CAMTA1: variants seen among roughly 807,000 people sequenced by gnomAD.
The protein encoded by CAMTA1 is calmodulin binding transcription activator 1.
A neutral mutation model predicts 170.9 loss-of-function variants in CAMTA1; 27 were observed. The ratio of observed to expected loss-of-function variants is 0.16; its 90% CI spans 0.12 to 0.22. CAMTA1 has a LOEUF of 0.22. Ranked by LOEUF, CAMTA1 falls within the 10% of genes least tolerant of loss-of-function variation. The pLI is 1.00. For synonymous variants in CAMTA1, 833 were observed against 891.5 expected, an observed-to-expected ratio of 0.93 and a Z score of 1.17; for missense variants, 1,619 against 2,217.2, an observed-to-expected ratio of 0.73 and a Z score of 5.42.
chr1:7,292,348 A>C (rs1673268156), intron 5 of CAMTA1, among the ~76,000 whole-genome samples: 1 of 152,100 alleles, frequency 6.6e-6, no homozygotes, highest in East Asian at 1.9e-4. Context: ...GGCAGAGCCA[A>C]TATTCTGTGT....
chr1:7,487,954 G>T (rs990192052), intron 6 of CAMTA1, among the ~76,000 whole-genome samples: 3 of 152,114 alleles, frequency 2.0e-5, no homozygotes, highest in Non-Finnish European at 4.4e-5. Context: ...GAGTGGTGTC[G>T]TTTGCCGCCA....
At chr1:6,792,991 C>T (rs995840884) in intron 1 of CAMTA1, among the ~76,000 whole-genome samples, 9 of 151,850 alleles carry the variant, frequency 5.9e-5, no homozygotes, top group African/African-American at 2.2e-4. Flanking sequence ...AGGTCTCACC[C>T]CAACTTCATT....
At position 6,847,218 on chromosome 1, in the gene CAMTA1, A is replaced by G. The variant is rs1190490651; in HGVS notation, c.234+22008A>G. Among the ~76,000 whole-genome samples the G allele has an allele frequency of 2.6e-5, 4 of 151,882 alleles. No individual in the cohort carries two copies. The East Asian group carries it at 7.8e-4, about 29-fold the overall frequency. ...TGGGGTTTTGCTGTGTTGGTCAGGC[A>G]TGTCTCGAACTCCTGGCCTCAAGTG... On this transcript the variant is annotated intron_variant, in intron 3 of 22. Transcript: ENST00000303635.
chr1:7,054,909 G>A (rs1329690524), intron 3 of CAMTA1, among the ~76,000 whole-genome samples: 1 of 152,168 alleles, frequency 6.6e-6, no homozygotes, highest in African/African-American at 2.4e-5. Flanking sequence ...CAGCTTCTGG[G>A]GAGGCCTCAG....
chr1:7,726,954 G>T (rs2096692209), intron 11 of CAMTA1, among the ~76,000 whole-genome samples: 1 of 152,114 alleles, frequency 6.6e-6, no homozygotes, highest in African/African-American at 2.4e-5. Context: ...TCCCGATGGA[G>T]TAGTTCAGCT....
intron 6 of CAMTA1, among the ~76,000 whole-genome samples, chr1:7,601,554 G>A (rs1324934704): frequency 6.6e-6 from 1 of 152,230 alleles, no homozygotes; most frequent in East Asian, 1.9e-4. Context: ...CCGGGCAGAG[G>A]CTGCAATCTC....
chr1:7,621,898 C>T (rs1001057318), intron 6 of CAMTA1, among the ~76,000 whole-genome samples: 27 of 152,230 alleles, frequency 1.8e-4, no homozygotes, highest in Admixed American at 7.8e-4. Flanking sequence ...TCTCGGCTCC[C>T]TGGCGCCTCT....
intron 22 of CAMTA1, among the ~76,000 whole-genome samples, chr1:7,759,465 A>G (rs967145465): frequency 2.3e-4 from 35 of 152,186 alleles, no homozygotes; most frequent in African/African-American, 7.7e-4. Context: ...CCAGTAACTT[A>G]AAGTGAAATT....
chr1:7,064,768 C>T lies in CAMTA1; in HGVS notation c.235-26536C>T, dbSNP rs780068877. On this transcript the variant is annotated intron_variant, in intron 3 of 22. Coordinates refer to ENST00000303635, the MANE Select transcript of CAMTA1 (RefSeq NM_015215.4). The surrounding 1 kb of genome is among the most constrained non-coding windows in gnomAD (Gnocchi z 5.4). Reference sequence around the variant, plus strand: ...TGGGGGAGGTGGCAGGAGTCCCATTCGGGGCATGGTGGGGGCTGTAGGAGG... The same window carrying T: ...TGGGGGAGGTGGCAGGAGTCCCATTTGGGGCATGGTGGGGGCTGTAGGAGG... 1.3e-4 allele frequency among the ~76,000 whole-genome samples: 20 copies of T among 151,390 alleles called. No homozygotes were observed. The highest frequency in any genetic ancestry group is 2.2e-4 in the African/African-American group (9 of 41,128).
At chr1:7,447,798 G>A (rs951449690) in intron 5 of CAMTA1, among the ~76,000 whole-genome samples, 1 of 152,232 alleles carries the variant, frequency 6.6e-6, no homozygotes. Flanking sequence ...CCTGTGCTGA[G>A]TGTGAGGAAC....
At chr1:7,237,479 GA>G (rs1664098522) in intron 4 of CAMTA1, among the ~76,000 whole-genome samples, 1 of 152,184 alleles carries the variant, frequency 6.6e-6, no homozygotes, top group Non-Finnish European at 1.5e-5. Flanking sequence ...GTTTGAGGGA[GA>G]GGGGCCATGA....
At chr1:7,396,432 T>C (rs1428285160) in intron 5 of CAMTA1, among the ~76,000 whole-genome samples, 1 of 152,230 alleles carries the variant, frequency 6.6e-6, no homozygotes, top group East Asian at 1.9e-4. Context: ...GCAATACAAA[T>C]AGACTAAGAC....
At chr1:7,597,794 C>T (rs943908283) in intron 6 of CAMTA1, among the ~76,000 whole-genome samples, 4 of 152,084 alleles carry the variant, frequency 2.6e-5, no homozygotes, top group African/African-American at 7.2e-5. Context: ...TCTGCTTACC[C>T]AAAGTCTAGT....
At chr1:7,598,432 A>G (rs942030074) in intron 6 of CAMTA1, among the ~76,000 whole-genome samples, 5 of 152,182 alleles carry the variant, frequency 3.3e-5, no homozygotes, top group Non-Finnish European at 5.9e-5. Flanking sequence ...ATGTTTTATA[A>G]TCCTTTGGGT....
intron 5 of CAMTA1, among the ~76,000 whole-genome samples, chr1:7,326,025 A>T (rs1363015902): frequency 6.6e-6 from 1 of 152,084 alleles, no homozygotes; most frequent in African/African-American, 2.4e-5. Flanking sequence ...TGCCTGGCTA[A>T]TTTTTGTATT....
intron 5 of CAMTA1, among the ~76,000 whole-genome samples, chr1:7,411,125 C>A (rs1324977076): frequency 1.3e-5 from 2 of 152,148 alleles, no homozygotes; most frequent in Non-Finnish European, 2.9e-5. Context: ...AAGCTATTAT[C>A]TTGCTCTGTT....
At chr1:6,985,544 C>T (rs72638589) in intron 3 of CAMTA1, among the ~76,000 whole-genome samples, 8 of 152,312 alleles carry the variant, frequency 5.3e-5, no homozygotes, top group Admixed American at 2.6e-4. Context: ...ATACTTTCAT[C>T]GGGGACCCGA....
intron 1 of CAMTA1, among the ~76,000 whole-genome samples, chr1:6,797,700 T>C (rs1642876939): frequency 6.6e-6 from 1 of 152,086 alleles, no homozygotes; most frequent in Non-Finnish European, 1.5e-5. Flanking sequence ...GATGACTTTT[T>C]AAATGCCATA....
In CAMTA1 at chr1:7,063,967, G is replaced by A. The variant is rs1375063808; in HGVS notation, c.235-27337G>A. 6.6e-6 allele frequency among the ~76,000 whole-genome samples: 1 copy of A among 152,236 alleles called. No homozygotes were observed. The highest frequency in any genetic ancestry group is 1.5e-5 in the Non-Finnish European group (1 of 68,040). ...TTCTAACAGTTCTGGAGGCTGGGAA[G>A]TCCAAGATTAAGGCACTGGCAGATT... On this transcript the variant is annotated intron_variant, in intron 3 of 22. Transcript: ENST00000303635. The surrounding 1 kb of genome is among the most constrained non-coding windows in gnomAD (Gnocchi z 4.3).
Sources: gnomAD v4.1 joint callset for allele counts (sites outside exome capture counted in the v4.1 genomes callset) on GRCh38, gnomAD v4.1.1 for gene constraint, Gnocchi (gnomAD v3.1) non-coding constraint, MANE v1.5 for transcripts, NCBI Gene and HGNC (gene_info 2026-07-23, HGNC 2026-07-21) for gene names.